GPER1: variants seen among roughly 807,000 people sequenced by gnomAD.
GPER1 encodes the protein G protein-coupled estrogen receptor 1.
GPER1 carries 2 observed loss-of-function variants against 0.6 expected under a neutral mutation model. That is an observed-to-expected ratio of 3.41 (90% CI 1.39 to 10.72). The LOEUF (loss-of-function observed/expected upper bound fraction) is 10.72. Among genes scored for constraint, GPER1 ranks in the 30% most tolerant of loss-of-function variants. The pLI is 0.04. For synonymous variants in GPER1, 263 were observed against 247.6 expected, an observed-to-expected ratio of 1.06 and a Z score of -0.58; for missense variants, 441 against 535.2, an observed-to-expected ratio of 0.82 and a Z score of 1.74.
rs1162032137 is a variant in GPER1 at position 1,092,035 on chromosome 7, G to A, written c.307G>A (p.Val103Met). Residue 103 changes from valine to methionine, a missense_variant, in exon 2 of 2, where the codon GTG becomes ATG. Transcript: ENST00000397088. ...IPDLYFINLA[V>M]ADLILVADSL... Reference sequence around the variant, plus strand: ...CGACCTGTACTTCATCAACCTGGCGGTGGCGGACCTCATCCTGGTGGCCGA... The same window carrying A: ...CGACCTGTACTTCATCAACCTGGCGATGGCGGACCTCATCCTGGTGGCCGA... 2 of 1,614,060 alleles carry A rather than the reference G, an allele frequency of 1.2e-6. No homozygotes were observed. The highest frequency in any genetic ancestry group is 1.1e-5 in the South Asian group (1 of 91,084).
In GPER1 at chr7:1,091,717, C is replaced by T. The variant is rs368800854; in HGVS notation, c.-12C>T. 3.8e-5 allele frequency: 57 copies of T among 1,507,824 alleles called. No individual in the cohort carries two copies. The South Asian group carries it at 4.1e-4, about 11-fold the overall frequency. The allele number at this position is 1,507,824 out of a possible 1,614,324, so 93.4% of individuals were successfully genotyped here. On this transcript the variant is annotated 5_prime_UTR_variant, in exon 2 of 2. It adds an upstream start codon to the 5' untranslated region. Coordinates refer to ENST00000397088, the MANE Select transcript of GPER1 (RefSeq NM_001098201.3). Reference sequence around the variant, plus strand: ...CTTTCGGCAAATCTTGAAAGCTGCACGGTGCAGAGACATGGATGTGACTTC... The same window carrying T: ...CTTTCGGCAAATCTTGAAAGCTGCATGGTGCAGAGACATGGATGTGACTTC...
chr7:1,087,274 G>C (rs1348965254), upstream of GPER1: 1 of 152,234 alleles, frequency 6.6e-6, no homozygotes, highest in African/African-American at 2.4e-5. Context: ...CAGCGAGCGC[G>C]GGAGGAGGGA....
Position 1,093,035 on chromosome 7 carries a change from C to T in GPER1, c.*179C>T, listed in dbSNP as rs4266553. ...CCCTGGGGCTGCTTAGGAAACCTCACGACTGGTCACCTTGCACTCCTCACA... is the reference window on the plus strand; with the variant it reads ...CCCTGGGGCTGCTTAGGAAACCTCATGACTGGTCACCTTGCACTCCTCACA... On this transcript the variant is annotated 3_prime_UTR_variant, in exon 2 of 2. Transcript: ENST00000397088. 1.3e-4 allele frequency: 97 copies of T among 720,674 alleles called. No individual in the cohort carries two copies. The highest frequency in any genetic ancestry group is 1.1e-3 in the African/African-American group (61 of 57,456). 44.6% of individuals were successfully genotyped at this position (720,674 alleles called of 1,614,324 possible).
At position 1,092,106 on chromosome 7, in the gene GPER1, C is replaced by A; in HGVS notation, c.378C>A (p.Ile126=). Residue 126 remains isoleucine (I), a synonymous_variant, in exon 2 of 2, where the codon ATC becomes ATA. Transcript: ENST00000397088. ...ACCTGCACGAGCGGTACTACGACAT[C>A]GCCGTCCTGTGCACCTTCATGTCGC... ...VFNLHERYYD[I]AVLCTFMSLF... 6.2e-7 allele frequency: 1 copy of A among 1,613,884 alleles called. No individual in the cohort carries two copies. Among genetic ancestry groups the A allele is most frequent in the Non-Finnish European group, 8.5e-7 (1 of 1,180,038 alleles).
In GPER1 at chr7:1,091,576, C is replaced by A; in HGVS notation, c.-153C>A. On this transcript the variant is annotated 5_prime_UTR_variant, in exon 2 of 2. Transcript: ENST00000397088. ...TGCAGTTAACAAACCCAACCCAAACCACCACAGGTGCTCCTCCTGGGGAGT... is the reference window on the plus strand; with the variant it reads ...TGCAGTTAACAAACCCAACCCAAACAACCACAGGTGCTCCTCCTGGGGAGT... 1.5e-6 allele frequency: 1 copy of A among 676,670 alleles called. No individual in the cohort carries two copies. Among genetic ancestry groups the A allele is most frequent in the Non-Finnish European group, 2.6e-6 (1 of 385,170 alleles). 41.9% of individuals were successfully genotyped at this position (676,670 alleles called of 1,614,324 possible).
chr7:1,090,042 C>G (rs1787799028), intron 1 of GPER1, among the ~76,000 whole-genome samples: 2 of 151,864 alleles, frequency 1.3e-5, no homozygotes, highest in South Asian at 4.2e-4. Flanking sequence ...CGAGATTGTG[C>G]CACTGCACTC....
At position 1,092,619 on chromosome 7, in the gene GPER1, T is replaced by C. The variant is rs201700404; in HGVS notation, c.891T>C (p.Ser297=). ...CTGGGGCCGCTCCCTGCAAGCAGTC[T>C]TTCCGCCATGCCCACCCCCTCACGG... ...TQPGAAPCKQ[S]FRHAHPLTGH... Residue 297 remains serine, a synonymous_variant, in exon 2 of 2, where the codon TCT becomes TCC. Transcript: ENST00000397088. The C allele has an allele frequency of 9.3e-6, 15 of 1,612,296 alleles. No homozygotes were observed. The East Asian group carries it at 1.8e-4, about 19-fold the overall frequency.
At position 1,093,045 on chromosome 7, in the gene GPER1, C is replaced by T. The variant is rs1372617025; in HGVS notation, c.*189C>T. The T allele has an allele frequency of 1.1e-5, 8 of 714,152 alleles. No homozygotes were observed. In the Admixed American group the frequency reaches 1.6e-4, roughly 14 times the overall value. 44.2% of individuals were successfully genotyped at this position (714,152 alleles called of 1,614,324 possible). On this transcript the variant is annotated 3_prime_UTR_variant, in exon 2 of 2. Coordinates refer to ENST00000397088, the MANE Select transcript of GPER1 (RefSeq NM_001098201.3). Reference sequence around the variant, plus strand: ...GCTTAGGAAACCTCACGACTGGTCACCTTGCACTCCTCACACAGAATTGCT... The same window carrying T: ...GCTTAGGAAACCTCACGACTGGTCATCTTGCACTCCTCACACAGAATTGCT...
chr7:1,092,837 G>A lies in GPER1; in HGVS notation c.1109G>A (p.Arg370Lys), dbSNP rs762429776. ...GACAGCACCGAGCAGTCGGATGTGA[G>A]GTTCAGCAGTGCCGTGTAGACAGCC... ...IPDSTEQSDV[R>K]FSSAV Residue 370 changes from arginine to lysine, a missense_variant, in exon 2 of 2, where the codon AGG becomes AAG. Transcript: ENST00000397088. The A allele has an allele frequency of 1.9e-6, 3 of 1,612,902 alleles. No individual in the cohort carries two copies. Among genetic ancestry groups the A allele is most frequent in the Non-Finnish European group, 2.5e-6 (3 of 1,179,732 alleles).
At chr7:1,089,487 T>C (rs13235747) in intron 1 of GPER1, among the ~76,000 whole-genome samples, 3,288 of 24,298 alleles carry the variant, frequency 0.14, 227 homozygotes, top group African/African-American at 0.48. Flanking sequence ...GGTGTGATCT[T>C]GGCTCACTGC....
chr7:1,093,541 C>T lies in GPER1; in HGVS notation c.*685C>T, dbSNP rs545459626. 34 of 471,046 alleles carry T rather than the reference C, an allele frequency of 7.2e-5. No homozygotes were observed. Among genetic ancestry groups the T allele is most frequent in the South Asian group, 5.1e-4 (33 of 64,574 alleles). 29.2% of individuals were successfully genotyped at this position (471,046 alleles called of 1,614,324 possible). On this transcript the variant is annotated 3_prime_UTR_variant, in exon 2 of 2. Coordinates refer to ENST00000397088, the MANE Select transcript of GPER1 (RefSeq NM_001098201.3). Reference sequence around the variant, plus strand: ...GAAGGCCCCTCTGTGGAGCGCCCGCCGTCTGCTCCGGGGTGGTTCAGTCAC... The same window carrying T: ...GAAGGCCCCTCTGTGGAGCGCCCGCTGTCTGCTCCGGGGTGGTTCAGTCAC...
In GPER1 at chr7:1,093,051, A is replaced by G; in HGVS notation, c.*195A>G. ...GAAACCTCACGACTGGTCACCTTGC[A>G]CTCCTCACACAGAATTGCTACAATC... On this transcript the variant is annotated 3_prime_UTR_variant, in exon 2 of 2. Coordinates refer to ENST00000397088, the MANE Select transcript of GPER1 (RefSeq NM_001098201.3). 2 of 711,718 alleles carry G rather than the reference A, an allele frequency of 2.8e-6. No homozygotes were observed. The highest frequency in any genetic ancestry group is 3.0e-5 in the South Asian group (2 of 66,724). 44.1% of individuals were successfully genotyped at this position (711,718 alleles called of 1,614,324 possible). A position where few individuals can be genotyped will look rare whatever the true frequency, so the allele number is the denominator to read the frequency against.
In GPER1 at chr7:1,091,722, CAG is replaced by C; in HGVS notation, c.-3_-2del. On this transcript the variant is annotated 5_prime_UTR_variant, in exon 2 of 2. Transcript: ENST00000397088. ...GGCAAATCTTGAAAGCTGCACGGTG[CAG>C]AGACATGGATGTGACTTCCCAAGCC... 1 of 1,519,396 alleles carries C rather than the reference CAG, an allele frequency of 6.6e-7. No individual in the cohort carries two copies. Among genetic ancestry groups the C allele is most frequent in the South Asian group, 1.3e-5 (1 of 76,010 alleles). 94.1% of individuals were successfully genotyped at this position (1,519,396 alleles called of 1,614,324 possible).
intron 1 of GPER1, among the ~76,000 whole-genome samples, chr7:1,090,333 C>T (rs941051336): frequency 2.6e-5 from 4 of 152,364 alleles, no homozygotes; most frequent in Admixed American, 2.0e-4. Flanking sequence ...GCTGAGACCC[C>T]CGTGGCCCGC....
At position 1,091,782 on chromosome 7, in the gene GPER1, C is replaced by T. The variant is rs780791783; in HGVS notation, c.54C>T (p.Thr18=). 3.9e-5 allele frequency: 61 copies of T among 1,579,316 alleles called. No individual in the cohort carries two copies. Among genetic ancestry groups the T allele is most frequent in the Non-Finnish European group, 4.6e-5 (53 of 1,159,126 alleles). The change falls in exon 2 of 2, where the codon ACC becomes ACT. Residue 18 remains threonine (T), a synonymous_variant. Coordinates refer to ENST00000397088, the MANE Select transcript of GPER1 (RefSeq NM_001098201.3). ...TGGGCCTGGAGATGTACCCAGGCAC[C>T]GCGCAGCCTGCGGCCCCCAACACCA... ...RGVGLEMYPG[T]AQPAAPNTTS... is the part of the protein sequence containing the mutation.
chr7:1,087,663 T>C (rs1388022125), upstream of GPER1, among the ~76,000 whole-genome samples: 1 of 152,224 alleles, frequency 6.6e-6, no homozygotes, highest in Non-Finnish European at 1.5e-5. Flanking sequence ...CCTAAGTTAC[T>C]TGTCAGAAAT....
In GPER1 at chr7:1,093,600, T is replaced by C. The variant is rs1331122847; in HGVS notation, c.*744T>C. 6 of 471,192 alleles carry C rather than the reference T, an allele frequency of 1.3e-5. No individual in the cohort carries two copies. Among genetic ancestry groups the C allele is most frequent in the Non-Finnish European group, 2.6e-5 (6 of 227,064 alleles). The allele number at this position is 471,192 out of a possible 1,614,324, so 29.2% of individuals were successfully genotyped here. A position where few individuals can be genotyped will look rare whatever the true frequency, so the allele number is the denominator to read the frequency against. Reference sequence around the variant, plus strand: ...GACATCAACATGGCAATTGCACTCATGTGGACTGGGACCGTGCGAGCTGCC... The same window carrying C: ...GACATCAACATGGCAATTGCACTCACGTGGACTGGGACCGTGCGAGCTGCC... On this transcript the variant is annotated 3_prime_UTR_variant, in exon 2 of 2. Transcript: ENST00000397088.
rs779367726 is a variant in GPER1, at chr7:1,092,653, G to A, written c.925G>A (p.Val309Ile). The change falls in exon 2 of 2, where the codon GTC becomes ATC. Residue 309 changes from valine to isoleucine, a missense_variant. By Grantham distance (29) the Val-to-Ile change is conservative (BLOSUM62 3). Transcript: ENST00000397088. ...TGCCCACCCCCTCACGGGCCACATT[G>A]TCAACCTCGCCGCCTTCTCCAACAG... ...RHAHPLTGHIVNLAAFSNSCL... is the reference protein window; with the variant it reads ...RHAHPLTGHIINLAAFSNSCL... 1 of 1,613,022 alleles carries A rather than the reference G, an allele frequency of 6.2e-7. No individual in the cohort carries two copies. Among genetic ancestry groups the A allele is most frequent in the South Asian group, 1.1e-5 (1 of 91,076 alleles).
At position 1,088,511 on chromosome 7, in the gene GPER1, T is replaced by A. The variant is rs1393500958; in HGVS notation, c.-323+190T>A. Among the ~76,000 whole-genome samples the A allele has an allele frequency of 6.6e-6, 1 of 152,102 alleles. No homozygotes were observed. Among genetic ancestry groups the A allele is most frequent in the Non-Finnish European group, 1.5e-5 (1 of 68,012 alleles). On this transcript the variant is annotated intron_variant, in intron 1 of 1. Coordinates refer to ENST00000397088, the MANE Select transcript of GPER1 (RefSeq NM_001098201.3). This position sits in a 1 kb window ranked among gnomAD's most constrained non-coding sequence, Gnocchi z 4.5. ...CCTCTCCCCCGGAGCTCCGGTGGTC[T>A]CAGCGTGACCGCAGCAGGGGCTTTG...
Sources: allele counts gnomAD v4.1 joint callset (sites outside exome capture counted in the v4.1 genomes callset), GRCh38; gene constraint gnomAD v4.1.1; non-coding constraint Gnocchi (gnomAD v3.1); transcripts MANE v1.5; gene names NCBI Gene and HGNC (gene_info 2026-07-23, HGNC 2026-07-21).